FNDC1: variants seen among roughly 807,000 people sequenced by gnomAD.
FNDC1 encodes fibronectin type III domain containing 1, also known as fibronectin type III domain-containing protein 1.
In FNDC1, 96 loss-of-function variants were observed where a neutral mutation model predicts 168.0. The ratio of observed to expected loss-of-function variants is 0.57; its 90% CI spans 0.48 to 0.68. The LOEUF is 0.68. Among genes scored for constraint, FNDC1 ranks in the 30% least tolerant of loss-of-function variants. The pLI, the probability that FNDC1 is intolerant of heterozygous loss-of-function variation, is 0.00. For missense variants in FNDC1, 2,587 were observed against 2,482.1 expected (o/e 1.04, Z -0.90); for synonymous variants, 1,099 against 1,025.9 (o/e 1.07, Z -1.36).
In FNDC1 at chr6:159,269,198, C is replaced by T. The variant is rs1777661183; in HGVS notation, c.5569+1272C>T. Among the ~76,000 whole-genome samples the T allele has an allele frequency of 2.9e-5, 4 of 137,616 alleles. No individual in the cohort carries two copies. In the South Asian group the frequency reaches 7.0e-4, roughly 24 times the overall value. The allele number at this position is 137,616 out of a possible 152,430, so 90.3% of individuals were successfully genotyped here. A position where few individuals can be genotyped will look rare whatever the true frequency, so the allele number is the denominator to read the frequency against. On this transcript the variant is annotated intron_variant, in intron 22 of 22. Transcript: ENST00000297267. Reference sequence around the variant, plus strand: ...TATGTATGTATCCATCCATTATCTACCTATTCATATCTATCTATCTATCTA... The same window carrying T: ...TATGTATGTATCCATCCATTATCTATCTATTCATATCTATCTATCTATCTA...
chr6:159,192,447 C>T (rs1562631468), intron 1 of FNDC1, among the ~76,000 whole-genome samples: 1 of 152,162 alleles, frequency 6.6e-6, no homozygotes, highest in Non-Finnish European at 1.5e-5. Flanking sequence ...TCTGAACCTT[C>T]CTTCTCTTTA....
chr6:159,201,728 C>A (rs1782383493), intron 4 of FNDC1, among the ~76,000 whole-genome samples: 1 of 152,198 alleles, frequency 6.6e-6, no homozygotes, highest in Admixed American at 6.5e-5. Flanking sequence ...TGTTTATTTT[C>A]AGAGGTTGTT....
chr6:159,188,336 G>A (rs1442170769), intron 1 of FNDC1, among the ~76,000 whole-genome samples: 1 of 150,686 alleles, frequency 6.6e-6, no homozygotes. Flanking sequence ...AGGAATGGCA[G>A]TCGTACCAGG....
chr6:159,236,221 A>G lies in FNDC1; in HGVS notation c.3974A>G (p.Asn1325Ser). Residue 1325 changes from asparagine (N) to serine (S), a missense_variant, in exon 12 of 23, where the codon AAT becomes AGT. Asn to Ser is a conservative substitution (Grantham distance 46). Coordinates refer to ENST00000297267, the MANE Select transcript of FNDC1 (RefSeq NM_032532.3). ...PARPSYRQGY[N>S]GRPNVEGKVL... ...TATTTTTGGTACTGTGTAGGTTATA[A>G]TGGCAGACCAAATGTAGAAGGGAAA... The G allele has an allele frequency of 6.2e-7, 1 of 1,612,768 alleles. No individual in the cohort carries two copies. Among genetic ancestry groups the G allele is most frequent in the Non-Finnish European group, 8.5e-7 (1 of 1,178,940 alleles).
intron 1 of FNDC1, among the ~76,000 whole-genome samples, chr6:159,194,265 A>G (rs1782197594): frequency 6.6e-6 from 1 of 152,204 alleles, no homozygotes; most frequent in Non-Finnish European, 1.5e-5. Flanking sequence ...TCATGCATGG[A>G]CTGTGAAGTT....
Position 159,232,628 on chromosome 6 carries a change from G to A in FNDC1, c.2116G>A (p.Ala706Thr), listed in dbSNP as rs772608315. 1 of 1,610,840 alleles carries A rather than the reference G, an allele frequency of 6.2e-7. No individual in the cohort carries two copies. Among genetic ancestry groups the A allele is most frequent in the Non-Finnish European group, 8.5e-7 (1 of 1,178,024 alleles). Residue 706 changes from alanine to threonine, a missense_variant, in exon 11 of 23, where the codon GCA becomes ACA. Ala to Thr is a moderately conservative substitution (Grantham distance 58). Transcript: ENST00000297267. This position sits in a 1 kb window ranked among gnomAD's most constrained non-coding sequence, Gnocchi z 4.9. The stretch of plus-strand genomic sequence containing the variant: ...CCGGAGGACCCCCCATTCAGGGGCC[G>A]CAGAGGAAGATTCCAGTGCCTCAGC... ...PARRTPHSGA[A>T]EEDSSASAPP...
chr6:159,263,211 T>G (rs1777524975), intron 19 of FNDC1, among the ~76,000 whole-genome samples: 1 of 152,124 alleles, frequency 6.6e-6, no homozygotes, highest in Non-Finnish European at 1.5e-5. Flanking sequence ...CATTTGACAC[T>G]TATGGCCATG....
At chr6:159,254,570 T>A (rs974680489) in intron 17 of FNDC1, among the ~76,000 whole-genome samples, 9 of 151,678 alleles carry the variant, frequency 5.9e-5, no homozygotes, top group Admixed American at 5.9e-4. Context: ...TAGCTGGGCG[T>A]GGTGGTGGGT....
At chr6:159,223,947 C>G (rs1782899916) in intron 7 of FNDC1, among the ~76,000 whole-genome samples, 1 of 152,142 alleles carries the variant, frequency 6.6e-6, no homozygotes, top group African/African-American at 2.4e-5. Flanking sequence ...TCTTTCTTTG[C>G]CTGTGTTTGT....
chr6:159,270,706 T>G (rs531552929), intron 22 of FNDC1, among the ~76,000 whole-genome samples: 179 of 152,356 alleles, frequency 1.2e-3, no homozygotes, highest in African/African-American at 3.8e-3. Flanking sequence ...CTACAGGTTT[T>G]TTTTGAGAGA....
chr6:159,251,679 T>C, intron 17 of FNDC1, 147 bp downstream of exon 17: 1 of 704,550 alleles, frequency 1.4e-6, no homozygotes, highest in Non-Finnish European at 2.4e-6. Context: ...ATAGATGTCT[T>C]CCTTCAACTG....
Position 159,245,975 on chromosome 6 carries a change from C to T in FNDC1, c.4622-926C>T, listed in dbSNP as rs1305758606. On this transcript the variant is annotated intron_variant, in intron 14 of 22. Transcript: ENST00000297267. ...TTCACCAGGTTAGCCAGGATGGTCT[C>T]GATCTCCTGACCTTGTGATCCGCCC... Among the ~76,000 whole-genome samples, 11 of 4,408 alleles carry T rather than the reference C, an allele frequency of 2.5e-3. 4 individuals are homozygous for T. The highest frequency in any genetic ancestry group is 6.4e-3 in the African/African-American group (11 of 1,712). 2.9% of individuals were successfully genotyped at this position (4,408 alleles called of 152,430 possible). A position where few individuals can be genotyped will look rare whatever the true frequency, so the allele number is the denominator to read the frequency against.
At chr6:159,237,637 A>G (rs982611713) in intron 12 of FNDC1, among the ~76,000 whole-genome samples, 2 of 152,244 alleles carry the variant, frequency 1.3e-5, no homozygotes, top group African/African-American at 4.8e-5. Context: ...TGTCTTTAAT[A>G]TGCTAGCAAT....
chr6:159,236,710 T>C (rs1783269930), intron 12 of FNDC1, among the ~76,000 whole-genome samples: 1 of 152,238 alleles, frequency 6.6e-6, no homozygotes, highest in African/African-American at 2.4e-5. Context: ...ACATTACACA[T>C]ATTTTCTGTA....
In FNDC1 at chr6:159,169,741, C is replaced by G; in HGVS notation, c.109+36C>G. 1 of 886,746 alleles carries G rather than the reference C, an allele frequency of 1.1e-6. No homozygotes were observed. The highest frequency in any genetic ancestry group is 5.5e-5 in the South Asian group (1 of 18,070). 54.9% of individuals were successfully genotyped at this position (886,746 alleles called of 1,614,324 possible). A position where few individuals can be genotyped will look rare whatever the true frequency, so the allele number is the denominator to read the frequency against. On this transcript the variant is annotated intron_variant, in intron 1 of 22. Coordinates refer to ENST00000297267, the MANE Select transcript of FNDC1 (RefSeq NM_032532.3). The surrounding 1 kb of genome is among the most constrained non-coding windows in gnomAD (Gnocchi z 6.8). ...CGCCCGGGCCCCCGGCGCTCCTCAG[C>G]TCCCCGCGCACCCTCCTGCGCTCGG... is the stretch of plus-strand genomic sequence containing the variant.
chr6:159,175,400 C>A (rs1032845658), intron 1 of FNDC1, among the ~76,000 whole-genome samples: 10 of 152,168 alleles, frequency 6.6e-5, no homozygotes, highest in African/African-American at 2.4e-4. Flanking sequence ...AGATCCCACA[C>A]TCTCCCTGCA....
intron 1 of FNDC1, among the ~76,000 whole-genome samples, chr6:159,188,548 T>A (rs1782053824): frequency 6.6e-6 from 1 of 150,818 alleles, no homozygotes; most frequent in Admixed American, 6.6e-5. Flanking sequence ...CTAATTTTTT[T>A]TTTGAATTTT....
intron 22 of FNDC1, among the ~76,000 whole-genome samples, chr6:159,270,062 T>G (rs1413024703): frequency 6.6e-6 from 1 of 152,102 alleles, no homozygotes; most frequent in African/African-American, 2.4e-5. Context: ...TGGTGGTGCA[T>G]GCCTGTAGTC....
chr6:159,188,354 T>C (rs1388560765), intron 1 of FNDC1, among the ~76,000 whole-genome samples: 1 of 142,724 alleles, frequency 7.0e-6, no homozygotes, highest in Non-Finnish European at 1.5e-5. Flanking sequence ...AGGTGGTATC[T>C]GCCTCAATTT....
Sources: allele counts gnomAD v4.1 joint callset (sites outside exome capture counted in the v4.1 genomes callset), GRCh38; gene constraint gnomAD v4.1.1; non-coding constraint Gnocchi (gnomAD v3.1); transcripts MANE v1.5; gene names NCBI Gene and HGNC (gene_info 2026-07-23, HGNC 2026-07-21).